TIAM1: variants seen among roughly 807,000 people sequenced by gnomAD.
TIAM1 encodes TIAM Rac1 associated GEF 1, also known as rho guanine nucleotide exchange factor TIAM1.
In TIAM1, 65 loss-of-function variants were observed where a neutral mutation model predicts 163.5. The ratio of observed to expected loss-of-function variants is 0.40; its 90% CI spans 0.33 to 0.49. TIAM1 has a LOEUF of 0.49. Ranked by LOEUF, TIAM1 falls within the 20% of genes least tolerant of loss-of-function variation. The probability of loss-of-function intolerance (pLI) is 0.77; values close to 1 mark genes in which losing one functional copy is unlikely to be tolerated. For missense variants in TIAM1, 1,789 were observed against 2,044.7 expected (o/e 0.87, Z 2.41); for synonymous variants, 833 against 810.1 (o/e 1.03, Z -0.48).
chr21:31,254,471 A>G (rs1057347062), intron 4 of TIAM1, among the ~76,000 whole-genome samples: 3 of 152,222 alleles, frequency 2.0e-5, no homozygotes, highest in Admixed American at 2.0e-4. Context: ...AAGCGGGTGG[A>G]TCACCTGAGG....
chr21:31,421,417 C>T (rs532494569), intron 2 of TIAM1, among the ~76,000 whole-genome samples: 5 of 152,304 alleles, frequency 3.3e-5, no homozygotes, highest in African/African-American at 9.6e-5. Context: ...CTGGGCCACA[C>T]AGCAGGAGGT....
intron 2 of TIAM1, among the ~76,000 whole-genome samples, chr21:31,325,234 G>T (rs2147044737): frequency 6.6e-6 from 1 of 151,170 alleles, no homozygotes; most frequent in East Asian, 1.9e-4. Context: ...GGTAAGCTGT[G>T]ATCAATCATG....
rs746679576 is a variant in TIAM1 at position 31,118,894 on chromosome 21, ACT to A, written c.*1472_*1473del. On this transcript the variant is annotated 3_prime_UTR_variant, in exon 28 of 28. Coordinates refer to ENST00000541036, the MANE Select transcript of TIAM1 (RefSeq NM_001353694.2). ...GAGGCACAAGAGCATGATGTACTGA[ACT>A]CTCTATTGTCTGGAAATATAAAGTC... 13 of 293,280 alleles carry A rather than the reference ACT, an allele frequency of 4.4e-5. No homozygotes were observed. Among genetic ancestry groups the A allele is most frequent in the Non-Finnish European group, 6.7e-5 (10 of 149,786 alleles). 18.2% of individuals were successfully genotyped at this position (293,280 alleles called of 1,614,324 possible). A position where few individuals can be genotyped will look rare whatever the true frequency, so the allele number is the denominator to read the frequency against.
intron 2 of TIAM1, among the ~76,000 whole-genome samples, chr21:31,412,223 A>G (rs1681302533): frequency 6.6e-6 from 1 of 152,200 alleles, no homozygotes; most frequent in South Asian, 2.1e-4. Context: ...GAGCTAAATA[A>G]TGTGTACTCA....
chr21:31,478,694 C>A (rs2046013250), intron 1 of TIAM1, among the ~76,000 whole-genome samples: 2 of 152,120 alleles, frequency 1.3e-5, no homozygotes, highest in African/African-American at 4.8e-5. Flanking sequence ...GAGTTTACAA[C>A]AATTTAAAGA....
At chr21:31,251,658 A>C (rs1382902327) in intron 5 of TIAM1, 84 bp downstream of exon 5, 1 of 1,392,004 alleles carries the variant, frequency 7.2e-7, no homozygotes, top group South Asian at 1.4e-5. Context: ...AACAACAACA[A>C]ACCCACCCAT....
chr21:31,515,037 G>A (rs1376469338), intron 1 of TIAM1, among the ~76,000 whole-genome samples: 5 of 152,232 alleles, frequency 3.3e-5, no homozygotes, highest in Non-Finnish European at 5.9e-5. Context: ...GCCTGGTTCG[G>A]TGACTCTTTT....
At chr21:31,424,739 C>T (rs1012460962) in intron 2 of TIAM1, among the ~76,000 whole-genome samples, 1 of 152,140 alleles carries the variant, frequency 6.6e-6, no homozygotes, top group African/African-American at 2.4e-5. Flanking sequence ...ATTAACTGTA[C>T]TGAACTGTAC....
Position 31,266,202 on chromosome 21 carries a change from A to G in TIAM1, c.771T>C (p.Cys257=), listed in dbSNP as rs2072751592. Reference sequence around the variant, plus strand: ...TGGGAATATCAGACACCAAATTCCGACAGTAGCCTGCAAATTTGCTCCCCG... The same window carrying G: ...TGGGAATATCAGACACCAAATTCCGGCAGTAGCCTGCAAATTTGCTCCCCG... ...GGPGSKFAGY[C]RNLVSDIPNL... The change falls in exon 4 of 28, where the codon TGT becomes TGC. Residue 257 remains cysteine (C), a synonymous_variant. Transcript: ENST00000541036. 3 of 1,613,972 alleles carry G rather than the reference A, an allele frequency of 1.9e-6. No individual in the cohort carries two copies. The highest frequency in any genetic ancestry group is 2.5e-6 in the Non-Finnish European group (3 of 1,180,038).
intron 15 of TIAM1, among the ~76,000 whole-genome samples, chr21:31,166,664 T>C (rs544044981): frequency 1.2e-4 from 19 of 152,378 alleles, no homozygotes; most frequent in Middle Eastern, 3.4e-3. Flanking sequence ...CACTCATTAC[T>C]TGCTCTTAAG....
At chr21:31,459,580 C>T (rs1016902170) in intron 2 of TIAM1, among the ~76,000 whole-genome samples, 16 of 152,268 alleles carry the variant, frequency 1.1e-4, no homozygotes, top group African/African-American at 3.6e-4. Context: ...GGTCTCTTTC[C>T]AGTAAGGGTG....
chr21:31,292,982 C>T (rs2284496), intron 2 of TIAM1, among the ~76,000 whole-genome samples: 16,365 of 152,180 alleles, frequency 0.11, 1,456 homozygotes, highest in East Asian at 0.43. Context: ...CGCCACCATG[C>T]GCAGCTCATT....
chr21:31,143,783 G>A (rs183752194), intron 20 of TIAM1, among the ~76,000 whole-genome samples: 19 of 151,084 alleles, frequency 1.3e-4, no homozygotes, highest in South Asian at 6.3e-4. Context: ...GCTAGAGTGC[G>A]ATGGCACACT....
intron 1 of TIAM1, among the ~76,000 whole-genome samples, chr21:31,519,508 C>CAAAAAAAAA (rs538283897): frequency 2.4e-5 from 2 of 82,740 alleles, no homozygotes; most frequent in Non-Finnish European, 4.6e-5. Flanking sequence ...GATTCTGTCT[C>CAAAAAAAAA]AAAAAAAAAA....
rs551249986 is a variant in TIAM1 at position 31,141,437 on chromosome 21, C to A, written c.3543G>T (p.Thr1181=). 2 of 1,614,194 alleles carry A rather than the reference C, an allele frequency of 1.2e-6. No homozygotes were observed. Among genetic ancestry groups the A allele is most frequent in the Non-Finnish European group, 1.7e-6 (2 of 1,180,042 alleles). Reference sequence around the variant, plus strand: ...TGGGCTTGATGAGGTACGACTCCAGCGTGGATGAGTGCTGCTGCTTCGGGT... The same window carrying A: ...TGGGCTTGATGAGGTACGACTCCAGAGTGGATGAGTGCTGCTGCTTCGGGT... ...AQNPKQQHSS[T]LESYLIKPIQ... is the part of the protein sequence containing the mutation. The change falls in exon 21 of 28, where the codon ACG becomes ACT. Residue 1181 remains threonine, a synonymous_variant. Coordinates refer to ENST00000541036, the MANE Select transcript of TIAM1 (RefSeq NM_001353694.2). The surrounding 1 kb of genome is among the most constrained non-coding windows in gnomAD (Gnocchi z 4.7).
chr21:31,162,970 C>T (rs1031858459), intron 16 of TIAM1, among the ~76,000 whole-genome samples: 12 of 152,132 alleles, frequency 7.9e-5, no homozygotes, highest in Non-Finnish European at 1.3e-4. Flanking sequence ...GCCCTGGAGC[C>T]TCTTCCGTCC....
chr21:31,124,465 A>T lies in TIAM1; in HGVS notation c.4306+57T>A, dbSNP rs764918414. The T allele has an allele frequency of 3.3e-4, 526 of 1,602,544 alleles. 1 individual carries two copies. Among genetic ancestry groups the T allele is most frequent in the Middle Eastern group, 6.8e-4 (3 of 4,436 alleles). On this transcript the variant is annotated intron_variant, in intron 27 of 27. Transcript: ENST00000541036. Reference sequence around the variant, plus strand: ...TCAACAAGGAGGTCAAGCTCACTGGAGTTCTACTGCGGAGTGGGGGTGACG... The same window carrying T: ...TCAACAAGGAGGTCAAGCTCACTGGTGTTCTACTGCGGAGTGGGGGTGACG...
intron 12 of TIAM1, among the ~76,000 whole-genome samples, chr21:31,199,080 A>G (rs550181564): frequency 2.6e-5 from 4 of 152,316 alleles, no homozygotes; most frequent in African/African-American, 9.6e-5. Flanking sequence ...TAATGTTGCA[A>G]CTTTCCCTGT....
At chr21:31,184,280 A>G (rs2085174371) in intron 14 of TIAM1, among the ~76,000 whole-genome samples, 1 of 151,866 alleles carries the variant, frequency 6.6e-6, no homozygotes, top group Non-Finnish European at 1.5e-5. Flanking sequence ...TAATTTTTGT[A>G]TTTTTAGTAG....
Sources: allele counts gnomAD v4.1 joint callset (sites outside exome capture counted in the v4.1 genomes callset), GRCh38; gene constraint gnomAD v4.1.1; non-coding constraint Gnocchi (gnomAD v3.1); transcripts MANE v1.5; gene names NCBI Gene and HGNC (gene_info 2026-07-23, HGNC 2026-07-21).